Variants in FRMD4A observed in about 807,000 individuals in gnomAD.
FRMD4A encodes FERM domain containing 4A.
A neutral mutation model predicts 129.1 loss-of-function variants in FRMD4A; 29 were observed. The observed-to-expected ratio is 0.22, with a 90% confidence interval of 0.17 to 0.31. FRMD4A has a LOEUF of 0.31. FRMD4A is among the 10% of genes least tolerant of loss of function. The pLI is 1.00. For missense variants in FRMD4A, 1,272 were observed against 1,375.8 expected (o/e 0.92, Z 1.19); for synonymous variants, 634 against 571.6 (o/e 1.11, Z -1.56).
intron 2 of FRMD4A, among the ~76,000 whole-genome samples, chr10:14,120,037 T>C (rs971743574): frequency 1.3e-5 from 2 of 149,446 alleles, no homozygotes; most frequent in Non-Finnish European, 3.0e-5. Context: ...GGCATGAGGA[T>C]GACAGGTAAG....
chr10:13,770,771 G>T (rs1034452455), intron 6 of FRMD4A, among the ~76,000 whole-genome samples: 1 of 152,190 alleles, frequency 6.6e-6, no homozygotes, highest in East Asian at 1.9e-4. Flanking sequence ...GAGATCATGG[G>T]CACAGCCAAG....
chr10:13,738,867 C>T (rs183972799), intron 11 of FRMD4A, among the ~76,000 whole-genome samples: 20 of 152,292 alleles, frequency 1.3e-4, no homozygotes, highest in African/African-American at 4.1e-4. Flanking sequence ...CTGATCCACC[C>T]GTCTTGGCCT....
At chr10:14,024,223 A>T (rs1408840889) in intron 2 of FRMD4A, among the ~76,000 whole-genome samples, 1 of 152,242 alleles carries the variant, frequency 6.6e-6, no homozygotes, top group Non-Finnish European at 1.5e-5. Flanking sequence ...AGTAAGAATA[A>T]ATCATGTGGA....
chr10:13,932,092 T>A (rs927057390), intron 2 of FRMD4A, among the ~76,000 whole-genome samples: 15 of 152,222 alleles, frequency 9.9e-5, no homozygotes, highest in African/African-American at 3.6e-4. Context: ...AGAGATGTAT[T>A]ACCAACCCAA....
chr10:13,937,410 GTCAAAACTACA>G (rs1254668088), intron 2 of FRMD4A, among the ~76,000 whole-genome samples: 2 of 152,170 alleles, frequency 1.3e-5, no homozygotes, highest in African/African-American at 4.8e-5. Context: ...TGTTGTAGAA[GTCAAAACTACA>G]ACTCCCGTCA....
chr10:13,837,958 T>A (rs73583966), intron 3 of FRMD4A, among the ~76,000 whole-genome samples: 5,853 of 152,354 alleles, frequency 0.038, 172 homozygotes, highest in African/African-American at 0.066. Context: ...CTTAAGGGGA[T>A]GGAGGAAGAA....
At chr10:13,942,581 G>T (rs917984314) in intron 2 of FRMD4A, among the ~76,000 whole-genome samples, 7 of 152,286 alleles carry the variant, frequency 4.6e-5, no homozygotes, top group African/African-American at 1.4e-4. Context: ...ATTTTAAAAG[G>T]ATCTGTGGTA....
chr10:13,924,806 AT>A (rs1279624327), intron 2 of FRMD4A, among the ~76,000 whole-genome samples: 1 of 152,068 alleles, frequency 6.6e-6, no homozygotes, highest in Admixed American at 6.6e-5. Context: ...TGTTGAAAGA[AT>A]GACTTCCAGC....
At chr10:13,780,178 C>G (rs2092699676) in intron 6 of FRMD4A, among the ~76,000 whole-genome samples, 1 of 151,936 alleles carries the variant, frequency 6.6e-6, no homozygotes, top group Non-Finnish European at 1.5e-5. Flanking sequence ...AATACAAAAA[C>G]TAGCCAAGCG....
intron 3 of FRMD4A, among the ~76,000 whole-genome samples, chr10:13,851,260 T>C (rs2094136762): frequency 6.6e-6 from 1 of 152,176 alleles, no homozygotes; most frequent in Non-Finnish European, 1.5e-5. Flanking sequence ...AATTGTAAAA[T>C]GTAGTCATTA....
At chr10:14,036,134 G>A (rs1053955580) in intron 2 of FRMD4A, among the ~76,000 whole-genome samples, 36 of 151,868 alleles carry the variant, frequency 2.4e-4, no homozygotes, top group African/African-American at 7.7e-4. Flanking sequence ...TAGAAAACAA[G>A]TGCCTTAGAA....
chr10:13,877,381 A>G (rs1344657053), intron 2 of FRMD4A, among the ~76,000 whole-genome samples: 2 of 152,202 alleles, frequency 1.3e-5, no homozygotes, highest in Admixed American at 1.3e-4. Flanking sequence ...CTCCACACCG[A>G]CAGCTGACTC....
chr10:14,106,729 T>A (rs928853619), intron 2 of FRMD4A, among the ~76,000 whole-genome samples: 58 of 152,236 alleles, frequency 3.8e-4, no homozygotes, highest in African/African-American at 1.3e-3. Context: ...CAGATTTTTT[T>A]AAAAAGATCT....
chr10:14,316,424 G>A lies in FRMD4A; in HGVS notation c.45+13634C>T, dbSNP rs372280458. ...CCCCAGATGCCCATTCCTCGATCTTGGATTTCTCTGTCCAGTGGAACTGTG... is the reference window on the plus strand; with the variant it reads ...CCCCAGATGCCCATTCCTCGATCTTAGATTTCTCTGTCCAGTGGAACTGTG... On this transcript the variant is annotated intron_variant, in intron 2 of 24. Transcript: ENST00000357447. Among the ~76,000 whole-genome samples the A allele has an allele frequency of 2.0e-5, 3 of 148,186 alleles. No homozygotes were observed. In the South Asian group the frequency reaches 6.4e-4, roughly 32 times the overall value.
intron 2 of FRMD4A, among the ~76,000 whole-genome samples, chr10:14,234,375 G>A (rs1843732500): frequency 6.6e-6 from 1 of 152,144 alleles, no homozygotes; most frequent in African/African-American, 2.4e-5. Flanking sequence ...TTTTATCGTT[G>A]TGCATTCAGT....
intron 2 of FRMD4A, among the ~76,000 whole-genome samples, chr10:14,135,811 G>A (rs1171100551): frequency 1.3e-5 from 2 of 152,104 alleles, no homozygotes; most frequent in African/African-American, 4.8e-5. Context: ...TATTTTGCGG[G>A]ATCTACTTCC....
intron 2 of FRMD4A, among the ~76,000 whole-genome samples, chr10:14,253,452 T>C (rs568937463): frequency 1.3e-5 from 2 of 152,368 alleles, no homozygotes; most frequent in South Asian, 4.1e-4. Flanking sequence ...GGGTGGAATA[T>C]GGGAAACCAA....
intron 2 of FRMD4A, among the ~76,000 whole-genome samples, chr10:14,185,552 C>A (rs549544011): frequency 6.6e-6 from 1 of 152,130 alleles, no homozygotes; most frequent in African/African-American, 2.4e-5. Flanking sequence ...AAACATAAAG[C>A]AAGACTATTT....
At chr10:13,987,098 A>G (rs2095584442) in intron 2 of FRMD4A, among the ~76,000 whole-genome samples, 2 of 152,092 alleles carry the variant, frequency 1.3e-5, no homozygotes, top group African/African-American at 4.8e-5. Flanking sequence ...TCGTAGCTCA[A>G]CCTTAGTTCT....
Sources: gnomAD v4.1 joint callset for allele counts (sites outside exome capture counted in the v4.1 genomes callset) on GRCh38, gnomAD v4.1.1 for gene constraint, MANE v1.5 for transcripts, NCBI Gene and HGNC (gene_info 2026-07-23, HGNC 2026-07-21) for gene names.